Variants in PLS1 observed in about 807,000 individuals in gnomAD.
PLS1 encodes the protein plastin 1, also known as plastin-1.
A neutral mutation model predicts 73.7 loss-of-function variants in PLS1; 32 were observed. The ratio of observed to expected loss-of-function variants is 0.43; its 90% confidence interval spans 0.33 to 0.58. The LOEUF (loss-of-function observed/expected upper bound fraction) is 0.58. PLS1 is among the 20% of genes least tolerant of loss of function. PLS1 has a pLI of 0.04. For missense variants in PLS1, 633 were observed against 740.5 expected (o/e 0.85, Z 1.68); for synonymous variants, 217 against 261.3 (o/e 0.83, Z 1.63).
rs971863157 is a variant in PLS1, at chr3:142,628,167, A to G, written c.-37+31658A>G. On this transcript the variant is annotated intron_variant, in intron 1 of 15. Transcript: ENST00000457734. Reference sequence around the variant, plus strand: ...CATTGCTTTTGGCCATTCAGGAGTCAGTTCGGTTTTTTGAAAGGAACATGG... The same window carrying G: ...CATTGCTTTTGGCCATTCAGGAGTCGGTTCGGTTTTTTGAAAGGAACATGG... Among the ~76,000 whole-genome samples, 7 of 152,194 alleles carry G rather than the reference A, an allele frequency of 4.6e-5. No homozygotes were observed. The South Asian group carries it at 6.2e-4, about 13-fold the overall frequency.
chr3:142,711,686 G>C, intron 15 of PLS1, 61 bp downstream of exon 15: 1 of 1,439,386 alleles, frequency 6.9e-7, no homozygotes. Context: ...ATCCTTATAG[G>C]AAAAGTTACT....
chr3:142,664,248 G>GTAC lies in PLS1; in HGVS notation c.18_20dup (p.Thr7dup), dbSNP rs770221691. On this transcript the variant is annotated inframe_insertion, in exon 2 of 16. Transcript: ENST00000457734. ...CTTTTCTGTCCAAAGATGGAAAACAGTACTACTACCATTTCTCGGGAGGAG... is the reference window on the plus strand; with the variant it reads ...CTTTTCTGTCCAAAGATGGAAAACAGTACTACTACTACCATTTCTCGGGAGGAG... 1.9e-6 allele frequency: 3 copies of GTAC among 1,579,134 alleles called. No individual in the cohort carries two copies. In the East Asian group the frequency reaches 6.7e-5, roughly 35 times the overall value.
chr3:142,641,091 T>A (rs2036823135), intron 1 of PLS1, among the ~76,000 whole-genome samples: 1 of 150,200 alleles, frequency 6.7e-6, no homozygotes, highest in South Asian at 2.1e-4. Context: ...GCCCAGGTGT[T>A]TGAAGTTGCA....
intron 1 of PLS1, among the ~76,000 whole-genome samples, chr3:142,629,296 A>G (rs576985519): frequency 9.2e-5 from 14 of 151,976 alleles, no homozygotes; most frequent in African/African-American, 3.4e-4. Flanking sequence ...TCCTAGGTTC[A>G]AGCAAGTCTT....
intron 7 of PLS1, 22 bp from the exon 8 acceptor site, chr3:142,684,231 C>T (rs1389115280): frequency 1.2e-6 from 2 of 1,613,864 alleles, no homozygotes; most frequent in Admixed American, 3.3e-5. Flanking sequence ...GAAGAATTTA[C>T]ATTTCGCTGT....
intron 14 of PLS1, among the ~76,000 whole-genome samples, chr3:142,710,796 A>C (rs1933088413): frequency 1.3e-5 from 2 of 152,152 alleles, no homozygotes; most frequent in Non-Finnish European, 2.9e-5. Context: ...TCAGACCAGG[A>C]TGTCTGATTT....
At chr3:142,632,721 C>T (rs1365803416) in intron 1 of PLS1, among the ~76,000 whole-genome samples, 2 of 151,878 alleles carry the variant, frequency 1.3e-5, no homozygotes, top group Non-Finnish European at 2.9e-5. Flanking sequence ...GTCTTGGCTT[C>T]CTGAGTAGCT....
At chr3:142,638,392 T>C (rs1227423338) in intron 1 of PLS1, among the ~76,000 whole-genome samples, 3 of 152,170 alleles carry the variant, frequency 2.0e-5, no homozygotes, top group African/African-American at 7.2e-5. Flanking sequence ...GCAGAAGTGC[T>C]GTCATGAAGG....
intron 12 of PLS1, among the ~76,000 whole-genome samples, chr3:142,699,383 C>T (rs965371863): frequency 2.0e-5 from 3 of 151,948 alleles, no homozygotes; most frequent in Non-Finnish European, 2.9e-5. Context: ...GGCTTGAACC[C>T]GGGAGGCAGA....
chr3:142,676,076 T>C, intron 4 of PLS1, 81 bp from the exon 5 acceptor site: 1 of 1,012,898 alleles, frequency 9.9e-7, no homozygotes, highest in South Asian at 1.6e-5. Flanking sequence ...TATGTTTTTG[T>C]AGTGCAATAG....
At chr3:142,602,770 G>C (rs2035950582) in intron 1 of PLS1, among the ~76,000 whole-genome samples, 1 of 152,074 alleles carries the variant, frequency 6.6e-6, no homozygotes, top group South Asian at 2.1e-4. Context: ...TCCATTTCCT[G>C]GTTCTGCTTT....
chr3:142,664,329 TATG>T lies in PLS1; in HGVS notation c.70+25_70+27del, dbSNP rs748981259. ...ATAGGTATGCTTGAGAAAAAGTAAATATGATATTACTGGTCTGCTTGATGTCAG... is the reference window on the plus strand; with the variant it reads ...ATAGGTATGCTTGAGAAAAAGTAAATATATTACTGGTCTGCTTGATGTCAG... On this transcript the variant is annotated intron_variant, in intron 2 of 15. Coordinates refer to ENST00000457734, the MANE Select transcript of PLS1 (RefSeq NM_001145319.2). 2.4e-6 allele frequency: 3 copies of T among 1,266,466 alleles called. No individual in the cohort carries two copies. In the African/African-American group the frequency reaches 4.5e-5, roughly 19 times the overall value. 78.5% of individuals were successfully genotyped at this position (1,266,466 alleles called of 1,614,324 possible).
At chr3:142,620,763 A>C (rs1029650074) in intron 1 of PLS1, among the ~76,000 whole-genome samples, 4 of 152,168 alleles carry the variant, frequency 2.6e-5, no homozygotes, top group African/African-American at 9.7e-5. Flanking sequence ...TCATGCCTGT[A>C]ATCACAGCAC....
Position 142,712,712 on chromosome 3 carries a change from TAGAG to T in PLS1, c.*709_*712del, listed in dbSNP as rs1478227877. ...CATATATATGTTGGTAGGATGTTAT[TAGAG>T]AGATATGTGTGCATATATATTTTTT... is the stretch of plus-strand genomic sequence containing the variant. On this transcript the variant is annotated 3_prime_UTR_variant, in exon 16 of 16. Transcript: ENST00000457734. 1.3e-5 allele frequency: 2 copies of T among 152,528 alleles called. No homozygotes were observed. Among genetic ancestry groups the T allele is most frequent in the Non-Finnish European group, 2.9e-5 (2 of 67,970 alleles). 9.4% of individuals were successfully genotyped at this position (152,528 alleles called of 1,614,324 possible). A position where few individuals can be genotyped will look rare whatever the true frequency, so the allele number is the denominator to read the frequency against.
chr3:142,638,673 C>T (rs757376503), intron 1 of PLS1, among the ~76,000 whole-genome samples: 2 of 152,102 alleles, frequency 1.3e-5, no homozygotes, highest in Non-Finnish European at 2.9e-5. Context: ...GATGAATTCC[C>T]AGGCCTCAAA....
chr3:142,704,370 T>G, intron 13 of PLS1, 93 bp from the exon 14 acceptor site: 3 of 974,792 alleles, frequency 3.1e-6, no homozygotes, highest in Non-Finnish European at 4.6e-6. Context: ...AGAACTGAAC[T>G]ATTTCTTAAG....
intron 1 of PLS1, among the ~76,000 whole-genome samples, chr3:142,602,284 G>A (rs2035941136): frequency 6.6e-6 from 1 of 152,208 alleles, no homozygotes; most frequent in East Asian, 1.9e-4. Flanking sequence ...TCCAGGGCGT[G>A]TCTGTGGAGT....
At position 142,703,856 on chromosome 3, in the gene PLS1, A is replaced by C; in HGVS notation, c.1372-12A>C. ...AAAATCTTTTTATACCCAAACTTTT[A>C]CTTATTTATAGATTGAAAACTGTAA... On this transcript the variant is annotated splice_polypyrimidine_tract_variant and intron_variant, in intron 12 of 15. Coordinates refer to ENST00000457734, the MANE Select transcript of PLS1 (RefSeq NM_001145319.2). 1 of 1,587,704 alleles carries C rather than the reference A, an allele frequency of 6.3e-7. No individual in the cohort carries two copies. The highest frequency in any genetic ancestry group is 8.6e-7 in the Non-Finnish European group (1 of 1,157,250).
rs1173159061 is a variant in PLS1, at chr3:142,628,363, TGC to T, written c.-37+31855_-37+31856del. ...TGTGCGCGCACATGTGCATGCAGTG[TGC>T]ATGTGTGCGCGCACATGTGCATGCA... On this transcript the variant is annotated intron_variant, in intron 1 of 15. Coordinates refer to ENST00000457734, the MANE Select transcript of PLS1 (RefSeq NM_001145319.2). Among the ~76,000 whole-genome samples the T allele has an allele frequency of 8.6e-4, 23 of 26,602 alleles. No individual in the cohort carries two copies. The African/African-American group carries it at 0.02, about 24-fold the overall frequency. The allele number at this position is 26,602 out of a possible 152,430, so 17.5% of individuals were successfully genotyped here.
Sources: allele counts gnomAD v4.1 joint callset (sites outside exome capture counted in the v4.1 genomes callset), GRCh38; gene constraint gnomAD v4.1.1; transcripts MANE v1.5; gene names NCBI Gene and HGNC (gene_info 2026-07-23, HGNC 2026-07-21).